ITPKB: variants seen among roughly 807,000 people sequenced by gnomAD.
The protein encoded by ITPKB is inositol-trisphosphate 3-kinase B.
A neutral mutation model predicts 69.4 loss-of-function variants in ITPKB; 13 were observed. The observed-to-expected ratio is 0.19, with a 90% CI of 0.12 to 0.30. The LOEUF is 0.30. Ranked by LOEUF, ITPKB falls within the 10% of genes least tolerant of loss-of-function variation. ITPKB has a pLI of 1.00. For missense variants in ITPKB, 1,240 were observed against 1,250.5 expected (o/e 0.99, Z 0.13); for synonymous variants, 584 against 513.7 (o/e 1.14, Z -1.85).
intron 2 of ITPKB, among the ~76,000 whole-genome samples, chr1:226,678,854 T>C (rs1402041148): frequency 6.6e-6 from 1 of 152,092 alleles, no homozygotes; most frequent in African/African-American, 2.4e-5. Context: ...TCCCAGGAAG[T>C]GACAATAGAG....
chr1:226,688,206 C>G (rs1234952624), intron 2 of ITPKB, among the ~76,000 whole-genome samples: 2 of 152,234 alleles, frequency 1.3e-5, no homozygotes, highest in Non-Finnish European at 1.5e-5. Flanking sequence ...CAAGAGATCC[C>G]TGCAGCCCTG....
intron 2 of ITPKB, among the ~76,000 whole-genome samples, chr1:226,673,830 A>T (rs1275750925): frequency 6.6e-6 from 1 of 152,178 alleles, no homozygotes; most frequent in Non-Finnish European, 1.5e-5. Context: ...TGTTTTGCAA[A>T]TCCACCAGAG....
Position 226,642,162 on chromosome 1 carries a change from T to TG in ITPKB, c.2247-38dup. 1 of 1,565,592 alleles carries TG rather than the reference T, an allele frequency of 6.4e-7. No homozygotes were observed. Among genetic ancestry groups the TG allele is most frequent in the Non-Finnish European group, 8.7e-7 (1 of 1,144,480 alleles). ...GGAAGGCGACATGAGGGCCGAGGCC[T>TG]GGGGCAGGGCTCACCAGCAGCTCCT... On this transcript the variant is annotated intron_variant, in intron 4 of 7. Coordinates refer to ENST00000429204, the MANE Select transcript of ITPKB (RefSeq NM_002221.4). The surrounding 1 kb of genome is among the most constrained non-coding windows in gnomAD (Gnocchi z 6.4).
At chr1:226,667,783 G>T (rs1258465282) in intron 2 of ITPKB, among the ~76,000 whole-genome samples, 3 of 151,852 alleles carry the variant, frequency 2.0e-5, no homozygotes, top group Non-Finnish European at 4.4e-5. Context: ...GAAGCTTCAT[G>T]GAAAAGGTGA....
chr1:226,696,516 C>T (rs952381143), intron 2 of ITPKB, among the ~76,000 whole-genome samples: 12 of 152,142 alleles, frequency 7.9e-5, no homozygotes. Flanking sequence ...ACATGCCCGG[C>T]CCCTGTATTT....
intron 2 of ITPKB, among the ~76,000 whole-genome samples, chr1:226,710,569 T>C (rs891641393): frequency 2.0e-5 from 3 of 152,204 alleles, no homozygotes; most frequent in Admixed American, 2.0e-4. Flanking sequence ...TCTACTGCCG[T>C]CCTCTACCAG....
rs898472957 is a variant in ITPKB at position 226,738,182 on chromosome 1, G to T, written c.-205-519C>A. Among the ~76,000 whole-genome samples, 1 of 152,134 alleles carries T rather than the reference G, an allele frequency of 6.6e-6. No homozygotes were observed. The highest frequency in any genetic ancestry group is 1.5e-5 in the Non-Finnish European group (1 of 68,000). On this transcript the variant is annotated intron_variant, in intron 1 of 7. Transcript: ENST00000429204. The surrounding 1 kb of genome is among the most constrained non-coding windows in gnomAD (Gnocchi z 4.2). ...ACCGGCTCGGAGGGAACCTAAGCGG[G>T]ACCTGCCTTGCCCGAGCCGCTGCCA...
Position 226,642,103 on chromosome 1 carries a change from T to C in ITPKB, c.2269A>G (p.Thr757Ala), listed in dbSNP as rs140588026. 1.7e-4 allele frequency: 272 copies of C among 1,613,794 alleles called. 3 individuals are homozygous for C. The highest frequency in any genetic ancestry group is 1.1e-4 in the Non-Finnish European group (127 of 1,179,994). Residue 757 changes from threonine (T) to alanine (A), a missense_variant, in exon 5 of 8, where the codon ACG (threonine) becomes GCG (alanine). Coordinates refer to ENST00000429204, the MANE Select transcript of ITPKB (RefSeq NM_002221.4). The surrounding 1 kb of genome is among the most constrained non-coding windows in gnomAD (Gnocchi z 6.4). ...GIRTYLEEEL[T>A]KARKKPSLRK... ...AGGCTGGGCTTCTTCCGGGCCTTCG[T>C]GAGCTCCTCCTCCAGGTAGGTCCTA... is the stretch of plus-strand genomic sequence containing the variant.
rs77716725 is a variant in ITPKB at position 226,675,606 on chromosome 1, C to T, written c.1933-26835G>A. On this transcript the variant is annotated intron_variant, in intron 2 of 7. Transcript: ENST00000429204. Reference sequence around the variant, plus strand: ...GACCTGGGCTTTAGTCCCAGTTCTGCGATTTACTAGTGGTGGAACTTTGGG... The same window carrying T: ...GACCTGGGCTTTAGTCCCAGTTCTGTGATTTACTAGTGGTGGAACTTTGGG... Among the ~76,000 whole-genome samples the T allele has an allele frequency of 8.7e-3, 1,325 of 152,266 alleles. 58 individuals are homozygous for T. Among genetic ancestry groups the T allele is most frequent in the Admixed American group, 0.059 (909 of 15,294 alleles).
chr1:226,714,165 C>A (rs1321139688), intron 2 of ITPKB, among the ~76,000 whole-genome samples: 4 of 152,124 alleles, frequency 2.6e-5, no homozygotes, highest in Non-Finnish European at 5.9e-5. Context: ...TCTCTTGGCC[C>A]CTTAAAATTA....
intron 2 of ITPKB, among the ~76,000 whole-genome samples, chr1:226,694,261 A>C (rs189175375): frequency 1.3e-5 from 2 of 152,372 alleles, no homozygotes; most frequent in East Asian, 3.9e-4. Context: ...CAGAAAAAGA[A>C]AAATCTGTGT....
At chr1:226,652,089 T>C (rs1558074333) in intron 2 of ITPKB, among the ~76,000 whole-genome samples, 1 of 152,188 alleles carries the variant, frequency 6.6e-6, no homozygotes, top group Non-Finnish European at 1.5e-5. Flanking sequence ...GGTTTTTAAA[T>C]AGCAGCACCC....
At position 226,709,493 on chromosome 1, in the gene ITPKB, G is replaced by A. The variant is rs780040382; in HGVS notation, c.1932+26034C>T. 5.9e-5 allele frequency among the ~76,000 whole-genome samples: 9 copies of A among 152,300 alleles called. No homozygotes were observed. The Middle Eastern group carries it at 0.01, about 173-fold the overall frequency. ...GCTAACACTTAAAATGTATGGGTGG[G>A]GTGGGTGTCACTGCGGTCCTGGGAC... On this transcript the variant is annotated intron_variant, in intron 2 of 7. Coordinates refer to ENST00000429204, the MANE Select transcript of ITPKB (RefSeq NM_002221.4).
intron 2 of ITPKB, among the ~76,000 whole-genome samples, chr1:226,701,326 C>A (rs939824874): frequency 1.3e-5 from 2 of 152,164 alleles, no homozygotes; most frequent in East Asian, 3.9e-4. Context: ...TCACTTTGGC[C>A]GGGCGCGGTG....
chr1:226,665,447 G>A (rs1400087608), intron 2 of ITPKB, among the ~76,000 whole-genome samples: 3 of 152,238 alleles, frequency 2.0e-5, no homozygotes, highest in Non-Finnish European at 4.4e-5. Context: ...CAAAACTGTA[G>A]GGAGGACTAG....
At chr1:226,718,815 A>T (rs1458829072) in intron 2 of ITPKB, among the ~76,000 whole-genome samples, 1 of 152,224 alleles carries the variant, frequency 6.6e-6, no homozygotes, top group African/African-American at 2.4e-5. Flanking sequence ...AGTTTCGTAA[A>T]ATATGAAATG....
chr1:226,712,772 G>A (rs1656993854), intron 2 of ITPKB, among the ~76,000 whole-genome samples: 1 of 152,206 alleles, frequency 6.6e-6, no homozygotes. Flanking sequence ...AAGGAGAAAA[G>A]AACAATACAG....
chr1:226,723,097 G>A (rs567096939), intron 2 of ITPKB, among the ~76,000 whole-genome samples: 105 of 152,302 alleles, frequency 6.9e-4, no homozygotes, highest in Non-Finnish European at 1.2e-3. Flanking sequence ...CATCCAGCCC[G>A]GATCCTGCAT....
chr1:226,705,674 T>C (rs898622322), intron 2 of ITPKB, among the ~76,000 whole-genome samples: 7 of 152,174 alleles, frequency 4.6e-5, no homozygotes, highest in African/African-American at 1.7e-4. Context: ...GAGACTTGTA[T>C]CTGTGACTGC....
Sources: gnomAD v4.1 joint callset for allele counts (sites outside exome capture counted in the v4.1 genomes callset) on GRCh38, gnomAD v4.1.1 for gene constraint, Gnocchi (gnomAD v3.1) non-coding constraint, MANE v1.5 for transcripts, NCBI Gene and HGNC (gene_info 2026-07-23, HGNC 2026-07-21) for gene names.